The following PRKN variants were observed in gnomAD, a reference collection of about 807,000 sequenced individuals.
PRKN encodes the protein parkin RBR E3 ubiquitin protein ligase, also known as E3 ubiquitin-protein ligase parkin.
In PRKN, 56 loss-of-function variants were observed where a neutral mutation model predicts 59.5. The ratio of observed to expected loss-of-function variants is 0.94; its 90% CI spans 0.76 to 1.18. The LOEUF is 1.18. Among genes scored for constraint, PRKN ranks in the 50% most tolerant of loss-of-function variants. The probability of loss-of-function intolerance (pLI) is 0.00; values close to 1 mark genes in which losing one functional copy is unlikely to be tolerated. For missense variants in PRKN, 657 were observed against 596.4 expected (o/e 1.10, Z -1.06); for synonymous variants, 250 against 222.1 (o/e 1.13, Z -1.12).
chr6:162,070,494 G>A (rs185636329), intron 4 of PRKN, among the ~76,000 whole-genome samples: 13 of 152,230 alleles, frequency 8.5e-5, no homozygotes, highest in Admixed American at 3.3e-4. Flanking sequence ...CTTTTGCATG[G>A]CCGAGTGGAT....
rs1182234963 is a variant in PRKN, at chr6:162,011,493, TA to T, written c.619-38077del. ...AATATATAATATATTATAATATATA[TA>T]ATATATATTTATTATATATATATTA... On this transcript the variant is annotated intron_variant, in intron 5 of 11. Transcript: ENST00000366898. Among the ~76,000 whole-genome samples the T allele has an allele frequency of 4.3e-4, 16 of 36,968 alleles. 5 individuals carry two copies. The highest frequency in any genetic ancestry group is 6.5e-4 in the Admixed American group (1 of 1,538). 24.3% of individuals were successfully genotyped at this position (36,968 alleles called of 152,430 possible).
intron 9 of PRKN, among the ~76,000 whole-genome samples, chr6:161,532,166 C>CTCTCTCTCTATA (rs1355724171): frequency 1.7e-5 from 2 of 115,418 alleles, no homozygotes; most frequent in African/African-American, 6.6e-5. Context: ...CTCTCTCTCT[C>CTCTCTCTCTATA]TATATATATA....
At chr6:161,867,442 G>T (rs1434265778) in intron 6 of PRKN, among the ~76,000 whole-genome samples, 1 of 152,134 alleles carries the variant, frequency 6.6e-6, no homozygotes, top group Non-Finnish European at 1.5e-5. Flanking sequence ...CTTAGCTCAT[G>T]CCCTGTACAA....
intron 1 of PRKN, among the ~76,000 whole-genome samples, chr6:162,501,352 CT>C (rs398038329): frequency 8.5e-4 from 119 of 139,560 alleles, no homozygotes; most frequent in Non-Finnish European, 9.2e-4. Context: ...CCCTTTTTTC[CT>C]TTTTTTTTTT....
At chr6:161,745,946 T>C (rs886199296) in intron 7 of PRKN, among the ~76,000 whole-genome samples, 1 of 152,200 alleles carries the variant, frequency 6.6e-6, no homozygotes, top group African/African-American at 2.4e-5. Context: ...CAGAGGATCC[T>C]GGGTGACAGC....
Position 161,362,367 on chromosome 6 carries a change from C to CA in PRKN, c.1168-2163dup, listed in dbSNP as rs1398178668. Among the ~76,000 whole-genome samples the CA allele has an allele frequency of 6.6e-6, 1 of 152,192 alleles. No individual in the cohort carries two copies. The highest frequency in any genetic ancestry group is 1.5e-5 in the Non-Finnish European group (1 of 68,044). On this transcript the variant is annotated intron_variant, in intron 10 of 11. Transcript: ENST00000366898. This position sits in a 1 kb window ranked among gnomAD's most constrained non-coding sequence, Gnocchi z 5.2. Reference sequence around the variant, plus strand: ...GCTATCTTCTTAGTCCCGCGCTGCCCATCATCTGGGTCTTCCCAGGCCCTA... The same window carrying CA: ...GCTATCTTCTTAGTCCCGCGCTGCCCAATCATCTGGGTCTTCCCAGGCCCTA...
chr6:161,723,416 C>T lies in PRKN; in HGVS notation c.871+62356G>A, dbSNP rs553573561. Among the ~76,000 whole-genome samples, 3 of 152,278 alleles carry T rather than the reference C, an allele frequency of 2.0e-5. No homozygotes were observed. The East Asian group carries it at 5.8e-4, about 29-fold the overall frequency. ...TGTTCCTCTCCTATTCCCACCACTACTTAGAGCAAGGATCTTTGCATTGGA... is the reference window on the plus strand; with the variant it reads ...TGTTCCTCTCCTATTCCCACCACTATTTAGAGCAAGGATCTTTGCATTGGA... On this transcript the variant is annotated intron_variant, in intron 7 of 11. Transcript: ENST00000366898.
At chr6:161,932,637 G>A (rs1051697956) in intron 6 of PRKN, among the ~76,000 whole-genome samples, 2 of 152,168 alleles carry the variant, frequency 1.3e-5, no homozygotes, top group Non-Finnish European at 2.9e-5. Flanking sequence ...AAAAAAGGAT[G>A]TGTGTAGCTA....
intron 2 of PRKN, among the ~76,000 whole-genome samples, chr6:162,387,619 T>C (rs1041475526): frequency 3.6e-4 from 51 of 140,250 alleles, no homozygotes; most frequent in African/African-American, 1.3e-3. Flanking sequence ...AATTTTCCAC[T>C]TGTCTGCAAA....
chr6:162,129,485 A>C (rs199750738), intron 4 of PRKN, among the ~76,000 whole-genome samples: 364 of 152,258 alleles, frequency 2.4e-3, no homozygotes, highest in African/African-American at 8.4e-3. Context: ...AAGTGCTGTA[A>C]ATTTTTTTCT....
rs1785507309 is a variant in PRKN, at chr6:161,373,113, C to G, written c.1168-12908G>C. 6.6e-6 allele frequency among the ~76,000 whole-genome samples: 1 copy of G among 152,188 alleles called. No homozygotes were observed. Among genetic ancestry groups the G allele is most frequent in the Non-Finnish European group, 1.5e-5 (1 of 68,046 alleles). ...GTGTGAACCACCACACTCGGTAGGG[C>G]AGAATTTTTCTCTTCTCTGGGAAAC... On this transcript the variant is annotated intron_variant, in intron 10 of 11. Transcript: ENST00000366898. This position sits in a 1 kb window ranked among gnomAD's most constrained non-coding sequence, Gnocchi z 4.8.
At chr6:161,698,230 G>A (rs903556296) in intron 7 of PRKN, among the ~76,000 whole-genome samples, 3 of 152,070 alleles carry the variant, frequency 2.0e-5, no homozygotes, top group Non-Finnish European at 2.9e-5. Flanking sequence ...CAAATATGCA[G>A]ACAGGCTACA....
chr6:162,644,613 A>G (rs569129102), intron 1 of PRKN, among the ~76,000 whole-genome samples: 1 of 152,314 alleles, frequency 6.6e-6, no homozygotes, highest in South Asian at 2.1e-4. Context: ...ATTCCCATAA[A>G]TACGGTGGTG....
At position 161,419,064 on chromosome 6, in the gene PRKN, A is replaced by G. The variant is rs2115023299; in HGVS notation, c.1084-32187T>C. Among the ~76,000 whole-genome samples the G allele has an allele frequency of 6.6e-6, 1 of 152,326 alleles. No homozygotes were observed. The highest frequency in any genetic ancestry group is 2.4e-5 in the African/African-American group (1 of 41,576). ...TGTAAACACATCGTTTACATGAAGG[A>G]CATGGAATTATAAGTTCACACAGTG... On this transcript the variant is annotated intron_variant, in intron 9 of 11. Coordinates refer to ENST00000366898, the MANE Select transcript of PRKN (RefSeq NM_004562.3). This position sits in a 1 kb window ranked among gnomAD's most constrained non-coding sequence, Gnocchi z 4.1.
At chr6:161,455,540 C>T (rs541583674) in intron 9 of PRKN, among the ~76,000 whole-genome samples, 31 of 152,216 alleles carry the variant, frequency 2.0e-4, no homozygotes, top group South Asian at 6.2e-4. Context: ...GAGGAAATCA[C>T]ATCCGGTCCC....
chr6:162,549,639 CT>C (rs10553695), intron 1 of PRKN, among the ~76,000 whole-genome samples: 38,127 of 122,268 alleles, frequency 0.31, 4,821 homozygotes, highest in East Asian at 0.45. Context: ...ATGCGATAAT[CT>C]TTTTTTTTTT....
intron 1 of PRKN, among the ~76,000 whole-genome samples, chr6:162,501,068 T>C (rs1255493550): frequency 6.6e-6 from 1 of 152,098 alleles, no homozygotes; most frequent in Non-Finnish European, 1.5e-5. Context: ...TCAGGGAGGT[T>C]GTGGCGAGAC....
chr6:161,632,992 C>A (rs944443161), intron 7 of PRKN, among the ~76,000 whole-genome samples: 1 of 152,158 alleles, frequency 6.6e-6, no homozygotes, highest in African/African-American at 2.4e-5. Context: ...AGAAGCTTTG[C>A]AGATCATTGT....
chr6:162,686,615 T>C (rs67673890), intron 1 of PRKN, among the ~76,000 whole-genome samples: 13,037 of 152,190 alleles, frequency 0.086, 705 homozygotes, highest in Middle Eastern at 0.18. Context: ...ATGATATATA[T>C]TTAAAAGGTA....
Sources: gnomAD v4.1 joint callset for allele counts (sites outside exome capture counted in the v4.1 genomes callset) on GRCh38, gnomAD v4.1.1 for gene constraint, Gnocchi (gnomAD v3.1) non-coding constraint, MANE v1.5 for transcripts, NCBI Gene and HGNC (gene_info 2026-07-23, HGNC 2026-07-21) for gene names.